The following DEFB119 variants were observed in gnomAD, a reference collection of about 807,000 sequenced individuals.
The protein encoded by DEFB119 is beta-defensin 119.
Under a neutral mutation model 2.5 loss-of-function variants are expected in DEFB119, and 3 were observed. That is an observed-to-expected ratio of 1.19 (90% CI 0.54 to 3.07). The LOEUF is 3.07. Among genes scored for constraint, DEFB119 ranks in the 30% most tolerant of loss-of-function variants. The pLI is 0.03. For synonymous variants in DEFB119, 29 were observed against 33.7 expected (o/e 0.86, Z 0.48); for missense variants, 113 against 101.1 (o/e 1.12, Z -0.50).
intron 1 of DEFB119, among the ~76,000 whole-genome samples, chr20:31,388,568 C>A (rs1380631262): frequency 6.6e-6 from 1 of 152,072 alleles, no homozygotes; most frequent in African/African-American, 2.4e-5. Flanking sequence ...TACTCAGACA[C>A]CTTCTAACCC....
chr20:31,382,641 A>G (rs1986540958), intron 1 of DEFB119, among the ~76,000 whole-genome samples: 1 of 152,188 alleles, frequency 6.6e-6, no homozygotes, highest in Non-Finnish European at 1.5e-5. Flanking sequence ...TCCAGCCCAG[A>G]AGTTTCTCCA....
At chr20:31,382,606 C>G (rs1986539695) in intron 1 of DEFB119, among the ~76,000 whole-genome samples, 1 of 152,212 alleles carries the variant, frequency 6.6e-6, no homozygotes, top group South Asian at 2.1e-4. Context: ...ACCACGTAGA[C>G]CTAACACAGT....
intron 1 of DEFB119, among the ~76,000 whole-genome samples, chr20:31,381,938 A>G (rs1986520688): frequency 6.6e-6 from 1 of 152,254 alleles, no homozygotes; most frequent in African/African-American, 2.4e-5. Flanking sequence ...ATTAGTGGTT[A>G]CCAAGGGTTA....
chr20:31,385,374 C>CAA (rs539118665), intron 1 of DEFB119, among the ~76,000 whole-genome samples: 9,610 of 115,620 alleles, frequency 0.083, 738 homozygotes, highest in African/African-American at 0.2. Context: ...TAACAAAAGA[C>CAA]AAAAAAAAAA....
intron 1 of DEFB119, chr20:31,389,357 G>T: frequency 1.7e-6 from 2 of 1,153,898 alleles, no homozygotes; most frequent in South Asian, 1.4e-5. Context: ...AGTAATGCCA[G>T]ACCCAGTCCC....
chr20:31,386,430 A>G (rs754303442), intron 1 of DEFB119, among the ~76,000 whole-genome samples: 1 of 152,222 alleles, frequency 6.6e-6, no homozygotes, highest in Non-Finnish European at 1.5e-5. Flanking sequence ...GTATGCATCA[A>G]CAGATGAACG....
Position 31,390,581 on chromosome 20 carries a change from G to T in DEFB119, c.-98C>A, listed in dbSNP as rs980269320. ...AGATGAGCTTTGCTTTTATCAGCAGGGCTGTGGGCAGTGAATTAGAACAGG... is the reference window on the plus strand; with the variant it reads ...AGATGAGCTTTGCTTTTATCAGCAGTGCTGTGGGCAGTGAATTAGAACAGG... On this transcript the variant is annotated 5_prime_UTR_variant, in exon 1 of 2. Coordinates refer to ENST00000376321, the MANE Select transcript of DEFB119 (RefSeq NM_153289.4). 4.2e-6 allele frequency: 5 copies of T among 1,189,574 alleles called. No homozygotes were observed. The highest frequency in any genetic ancestry group is 4.1e-5 in the Admixed American group (2 of 48,460). The allele number at this position is 1,189,574 out of a possible 1,614,324, so 73.7% of individuals were successfully genotyped here. A position where few individuals can be genotyped will look rare whatever the true frequency, so the allele number is the denominator to read the frequency against.
chr20:31,389,397 A>C (rs1986841106), intron 1 of DEFB119, among the ~76,000 whole-genome samples: 1 of 152,200 alleles, frequency 6.6e-6, no homozygotes, highest in South Asian at 2.1e-4. Context: ...CTTGAGAGGG[A>C]AGAGAACTGA....
In DEFB119 at chr20:31,388,736, C is replaced by T. The variant is rs569996007; in HGVS notation, c.61+1687G>A. On this transcript the variant is annotated intron_variant, in intron 1 of 1. Transcript: ENST00000376321. ...GATTCTCCCACTCTTTAGGCATCTG[C>T]TATGCCTTTAAATCTCTCAGCTCCC... Among the ~76,000 whole-genome samples, 610 of 152,206 alleles carry T rather than the reference C, an allele frequency of 4.0e-3. 3 individuals are homozygous for T. The highest frequency in any genetic ancestry group is 0.014 in the African/African-American group (589 of 41,524).
intron 1 of DEFB119, among the ~76,000 whole-genome samples, chr20:31,387,188 T>C (rs1402467855): frequency 2.0e-5 from 3 of 152,228 alleles, no homozygotes; most frequent in Non-Finnish European, 2.9e-5. Context: ...AGGTGATGGA[T>C]ATGCTAATTA....
chr20:31,381,259 C>T (rs926960451), intron 1 of DEFB119, among the ~76,000 whole-genome samples: 4 of 152,130 alleles, frequency 2.6e-5, no homozygotes, highest in Non-Finnish European at 5.9e-5. Flanking sequence ...TGTATGTTTA[C>T]CTTGTATCCT....
At chr20:31,378,421 T>G in intron 1 of DEFB119, 1 of 1,613,596 alleles carries the variant, frequency 6.2e-7, no homozygotes, top group Non-Finnish European at 8.5e-7. Context: ...CCAACAAAGA[T>G]CATTGAAATA....
intron 1 of DEFB119, among the ~76,000 whole-genome samples, chr20:31,385,667 G>C (rs1354335175): frequency 6.6e-6 from 1 of 152,144 alleles, no homozygotes; most frequent in Non-Finnish European, 1.5e-5. Flanking sequence ...AGGAGTTTGA[G>C]AGCAGACTGG....
chr20:31,387,093 C>G (rs759566190), intron 1 of DEFB119, among the ~76,000 whole-genome samples: 1 of 152,100 alleles, frequency 6.6e-6, no homozygotes, highest in East Asian at 1.9e-4. Context: ...GGGGGTGAGC[C>G]ACCGCACCCA....
At chr20:31,380,266 T>G (rs1986458015) in intron 1 of DEFB119, among the ~76,000 whole-genome samples, 1 of 152,176 alleles carries the variant, frequency 6.6e-6, no homozygotes, top group Non-Finnish European at 1.5e-5. Context: ...TATATTCCTT[T>G]AAAAATAATT....
chr20:31,381,060 C>T (rs4911274), intron 1 of DEFB119, among the ~76,000 whole-genome samples: 79,898 of 151,836 alleles, frequency 0.53, 21,420 homozygotes, highest in East Asian at 0.75. Flanking sequence ...AGATGGTGTG[C>T]CTCTTCATTT....
chr20:31,388,707 T>G (rs1018500135), intron 1 of DEFB119, among the ~76,000 whole-genome samples: 2 of 152,108 alleles, frequency 1.3e-5, no homozygotes, highest in African/African-American at 2.4e-5. Flanking sequence ...TCTCCCAGCC[T>G]AAGGATTCTC....
chr20:31,390,162 G>A (rs1271122252), intron 1 of DEFB119, among the ~76,000 whole-genome samples: 1 of 151,802 alleles, frequency 6.6e-6, no homozygotes, highest in African/African-American at 2.4e-5. Context: ...CTGCACCCAC[G>A]CTTTGCCCCT....
rs916164489 is a variant in DEFB119, at chr20:31,377,193, G to C, written c.*53C>G. The C allele has an allele frequency of 8.6e-6, 13 of 1,518,906 alleles. No individual in the cohort carries two copies. Among genetic ancestry groups the C allele is most frequent in the Non-Finnish European group, 1.2e-5 (13 of 1,128,244 alleles). 94.1% of individuals were successfully genotyped at this position (1,518,906 alleles called of 1,614,324 possible). On this transcript the variant is annotated 3_prime_UTR_variant, in exon 2 of 2. Transcript: ENST00000376321. ...AGGCACATGAATTTTAATGAGGGGG[G>C]TTGACAGCAGGTCTCTGTGCCCAGA...
Sources: allele counts gnomAD v4.1 joint callset (sites outside exome capture counted in the v4.1 genomes callset), GRCh38; gene constraint gnomAD v4.1.1; transcripts MANE v1.5; gene names NCBI Gene and HGNC (gene_info 2026-07-23, HGNC 2026-07-21).